Variants in ADARB2 observed in about 807,000 individuals in gnomAD.
ADARB2 encodes adenosine deaminase RNA specific B2 (inactive).
ADARB2 carries 25 observed loss-of-function variants against 62.2 expected under a neutral mutation model. That is an observed-to-expected ratio of 0.40 (90% CI 0.29 to 0.56). The LOEUF (loss-of-function observed/expected upper bound fraction) is 0.56, where lower values mean the gene tolerates loss of function less well. Ranked by LOEUF, ADARB2 falls within the 20% of genes least tolerant of loss-of-function variation. The pLI is 0.43. For synonymous variants in ADARB2, 572 were observed against 500.8 expected, an observed-to-expected ratio of 1.14 and a Z score of -1.90; for missense variants, 1,071 against 1,077.4, an observed-to-expected ratio of 0.99 and a Z score of 0.08.
chr10:1,203,161 CTA>C (rs1837009765), intron 7 of ADARB2, among the ~76,000 whole-genome samples: 2 of 152,228 alleles, frequency 1.3e-5, no homozygotes, highest in Admixed American at 1.3e-4. Context: ...AAACCCATGT[CTA>C]GTTTTCAATA....
chr10:1,464,779 A>C (rs1831231298), intron 1 of ADARB2, among the ~76,000 whole-genome samples: 1 of 148,318 alleles, frequency 6.7e-6, no homozygotes, highest in African/African-American at 2.5e-5. Context: ...AGCGTGCTGG[A>C]GAAGAGGGTG....
At chr10:1,213,777 A>G (rs1837192792) in intron 7 of ADARB2, among the ~76,000 whole-genome samples, 2 of 152,228 alleles carry the variant, frequency 1.3e-5, no homozygotes, top group Admixed American at 1.3e-4. Context: ...TTTTTCAAGG[A>G]GATTTTGTTA....
intron 1 of ADARB2, among the ~76,000 whole-genome samples, chr10:1,430,895 A>G (rs1830771487): frequency 6.6e-6 from 1 of 152,252 alleles, no homozygotes; most frequent in Non-Finnish European, 1.5e-5. Context: ...GTTCCAAACA[A>G]CAAAACATCA....
chr10:1,575,722 C>T (rs1197090267), intron 1 of ADARB2, among the ~76,000 whole-genome samples: 6 of 152,196 alleles, frequency 3.9e-5, no homozygotes, highest in Non-Finnish European at 7.3e-5. Flanking sequence ...GTGGGATCCC[C>T]CTGTGGTCAA....
chr10:1,501,813 T>C (rs903147669), intron 1 of ADARB2, among the ~76,000 whole-genome samples: 8 of 152,230 alleles, frequency 5.3e-5, no homozygotes, highest in Non-Finnish European at 1.0e-4. Flanking sequence ...ATTCTTTTTT[T>C]ATTCACTGAC....
At chr10:1,462,481 A>G (rs1328221422) in intron 1 of ADARB2, among the ~76,000 whole-genome samples, 1 of 152,202 alleles carries the variant, frequency 6.6e-6, no homozygotes, top group Non-Finnish European at 1.5e-5. Context: ...TGGGGGCTTG[A>G]GAGTTGCCCA....
At chr10:1,582,164 G>A (rs1424800088) in intron 1 of ADARB2, among the ~76,000 whole-genome samples, 1 of 152,222 alleles carries the variant, frequency 6.6e-6, no homozygotes, top group Non-Finnish European at 1.5e-5. Context: ...GGCAGAAATG[G>A]ATTAAGTGGT....
chr10:1,307,176 C>G (rs1397196853), intron 3 of ADARB2, among the ~76,000 whole-genome samples: 3 of 102,164 alleles, frequency 2.9e-5, no homozygotes, highest in Admixed American at 1.1e-4. Flanking sequence ...TTTTCGCAAC[C>G]TACGCATCTG....
rs567649241 is a variant in ADARB2 at position 1,473,109 on chromosome 10, C to T, written c.101-93949G>A. 2.2e-4 allele frequency among the ~76,000 whole-genome samples: 33 copies of T among 152,212 alleles called. No individual in the cohort carries two copies. In the East Asian group the frequency reaches 6.4e-3, roughly 29 times the overall value. ...CTGGAAGCATGACAATGGATAAAAC[C>T]CCAAGTCACAGGTCAAACCACGCAC... On this transcript the variant is annotated intron_variant, in intron 1 of 9. Transcript: ENST00000381312.
chr10:1,456,156 T>C (rs1335289090), intron 1 of ADARB2, among the ~76,000 whole-genome samples: 2 of 152,194 alleles, frequency 1.3e-5, no homozygotes, highest in Non-Finnish European at 2.9e-5. Context: ...TAGTTTCACC[T>C]AGGGACCCGG....
intron 6 of ADARB2, among the ~76,000 whole-genome samples, 185 bp from the exon 7 acceptor site, chr10:1,217,304 G>A (rs1156409320): frequency 2.0e-5 from 3 of 152,150 alleles, no homozygotes; most frequent in Non-Finnish European, 4.4e-5. Context: ...ACACCATCCC[G>A]CCTGGGCCGG....
chr10:1,478,244 T>C (rs1032576146), intron 1 of ADARB2, among the ~76,000 whole-genome samples: 2 of 152,210 alleles, frequency 1.3e-5, no homozygotes, highest in Non-Finnish European at 2.9e-5. Flanking sequence ...AACTCTGAGC[T>C]GCACAGATGT....
chr10:1,244,074 CG>C (rs1252713725), intron 4 of ADARB2, among the ~76,000 whole-genome samples: 3 of 152,198 alleles, frequency 2.0e-5, no homozygotes, highest in Non-Finnish European at 4.4e-5. Context: ...ATCCTGGGTG[CG>C]GGGGCTGCCC....
intron 3 of ADARB2, among the ~76,000 whole-genome samples, chr10:1,320,755 GA>G (rs1463561736): frequency 8.5e-5 from 13 of 152,270 alleles, no homozygotes; most frequent in Non-Finnish European, 1.8e-4. Flanking sequence ...TACAAAATAA[GA>G]GACAGATGAT....
chr10:1,717,362 C>T (rs114086219), intron 1 of ADARB2, among the ~76,000 whole-genome samples: 3,071 of 151,500 alleles, frequency 0.02, 118 homozygotes, highest in African/African-American at 0.071. Flanking sequence ...ACAAGTCCAT[C>T]CTGACAGAGC....
rs772741110 is a variant in ADARB2 at position 1,526,850 on chromosome 10, A to C, written c.101-147690T>G. ...GTGCGTGGAGGGGTCGTGAGCGGGC[A>C]CAGGCAGCCACTTCGCTGCTTGCCT... On this transcript the variant is annotated intron_variant, in intron 1 of 9. Transcript: ENST00000381312. 1.6e-5 allele frequency: 8 copies of C among 515,666 alleles called. No individual in the cohort carries two copies. The East Asian group carries it at 4.6e-4, about 30-fold the overall frequency. 31.9% of individuals were successfully genotyped at this position (515,666 alleles called of 1,614,324 possible). A position where few individuals can be genotyped will look rare whatever the true frequency, so the allele number is the denominator to read the frequency against.
intron 1 of ADARB2, among the ~76,000 whole-genome samples, chr10:1,581,869 T>C (rs140697634): frequency 2.8e-3 from 370 of 131,026 alleles, no homozygotes; most frequent in African/African-American, 8.8e-3. Flanking sequence ...TGTGTGTGTG[T>C]GCAGAGAGGC....
At chr10:1,215,092 C>T (rs539202471) in intron 7 of ADARB2, among the ~76,000 whole-genome samples, 3 of 152,248 alleles carry the variant, frequency 2.0e-5, no homozygotes, top group Non-Finnish European at 2.9e-5. Flanking sequence ...GGGGGTCTCC[C>T]GTTTTCTCCT....
At chr10:1,287,010 G>T (rs1442187273) in intron 3 of ADARB2, among the ~76,000 whole-genome samples, 1 of 152,176 alleles carries the variant, frequency 6.6e-6, no homozygotes, top group Non-Finnish European at 1.5e-5. Flanking sequence ...AAAGTAACCT[G>T]TTTAAAGGGT....
Sources: gnomAD v4.1 joint callset for allele counts (sites outside exome capture counted in the v4.1 genomes callset) on GRCh38, gnomAD v4.1.1 for gene constraint, MANE v1.5 for transcripts, NCBI Gene and HGNC (gene_info 2026-07-23, HGNC 2026-07-21) for gene names.